Variants in PLA2G4C observed in about 807,000 individuals in gnomAD.
The protein encoded by PLA2G4C is phospholipase A2 group IVC, also known as cytosolic phospholipase A2 gamma.
A neutral mutation model predicts 73.8 loss-of-function variants in PLA2G4C; 64 were observed. That is an observed-to-expected ratio of 0.87 (90% CI 0.71 to 1.07). The LOEUF (loss-of-function observed/expected upper bound fraction) is 1.07. PLA2G4C is among the 50% of genes least tolerant of loss of function. The pLI, the probability that PLA2G4C is intolerant of heterozygous loss-of-function variation, is 0.00. For synonymous variants in PLA2G4C, 254 were observed against 252.1 expected (o/e 1.01, Z -0.07); for missense variants, 622 against 665.4 (o/e 0.93, Z 0.72).
chr19:48,067,669 AC>A (rs1273232981), intron 13 of PLA2G4C, 121 bp downstream of exon 13: 16 of 734,232 alleles, frequency 2.2e-5, no homozygotes, highest in African/African-American at 5.2e-5. Context: ...CTTTGACACC[AC>A]CCCCCTCCAA....
intron 7 of PLA2G4C, among the ~76,000 whole-genome samples, chr19:48,090,818 G>T (rs984282818): frequency 1.3e-5 from 2 of 152,088 alleles, no homozygotes; most frequent in South Asian, 2.1e-4. Flanking sequence ...CTGCTGGGGG[G>T]ACTTCTGCAA....
rs112541699 is a variant in PLA2G4C, at chr19:48,051,514, T to C, written c.1580+1483A>G. ...CTTTTGCACCAACCTAATACAGTCA[T>C]GGTGGAAGCAGGGCACCTTCTTCAC... On this transcript the variant is annotated intron_variant, in intron 16 of 16. Transcript: ENST00000599921. Among the ~76,000 whole-genome samples the C allele has an allele frequency of 6.2e-4, 94 of 152,248 alleles. 1 individual carries two copies. Among genetic ancestry groups the C allele is most frequent in the African/African-American group, 2.0e-3 (83 of 41,556 alleles).
intron 1 of PLA2G4C, among the ~76,000 whole-genome samples, chr19:48,109,367 G>C (rs1391203109): frequency 6.6e-6 from 1 of 152,050 alleles, no homozygotes; most frequent in Non-Finnish European, 1.5e-5. Flanking sequence ...AGCCTCCTGG[G>C]CTCAAGCGAG....
At chr19:48,064,050 A>G (rs1238782752) in intron 13 of PLA2G4C, 1 of 152,170 alleles carries the variant, frequency 6.6e-6, no homozygotes, top group Non-Finnish European at 1.5e-5. Flanking sequence ...TCCTTTTGTT[A>G]TATATAGGAA....
chr19:48,110,694 G>A lies in PLA2G4C; in HGVS notation c.-240C>T. ...CCTTTTCCCCCTGTGGGAGGAGGTC[G>A]CGGGCTGGAGGTGTTTCCTCCTGGT... is the stretch of plus-strand genomic sequence containing the variant. On this transcript the variant is annotated 5_prime_UTR_variant, in exon 1 of 17. Transcript: ENST00000599921. The A allele has an allele frequency of 1.9e-6, 1 of 526,228 alleles. No homozygotes were observed. The highest frequency in any genetic ancestry group is 3.5e-5 in the East Asian group (1 of 28,956). 32.6% of individuals were successfully genotyped at this position (526,228 alleles called of 1,614,324 possible). A position where few individuals can be genotyped will look rare whatever the true frequency, so the allele number is the denominator to read the frequency against.
Position 48,105,863 on chromosome 19 carries a change from C to CA in PLA2G4C, c.9-420_9-419insT, listed in dbSNP as rs1491527624. On this transcript the variant is annotated intron_variant, in intron 2 of 16. Transcript: ENST00000599921. ...CCTTCCTTCCATCCTTCCTTCCTTCCTCCTTCCTTCCTTCCCTCCTTCTTT... is the reference window on the plus strand; with the variant it reads ...CCTTCCTTCCATCCTTCCTTCCTTCCATCCTTCCTTCCTTCCCTCCTTCTTT... 7.8e-3 allele frequency among the ~76,000 whole-genome samples: 468 copies of CA among 59,674 alleles called. 70 individuals carry two copies. The highest frequency in any genetic ancestry group is 0.027 in the African/African-American group (344 of 12,564). The allele number at this position is 59,674 out of a possible 152,430, so 39.1% of individuals were successfully genotyped here.
chr19:48,075,197 T>C (rs977745236), intron 11 of PLA2G4C, among the ~76,000 whole-genome samples: 5 of 150,218 alleles, frequency 3.3e-5, no homozygotes, highest in South Asian at 2.1e-4. Context: ...TTTATTTATT[T>C]ATTTGAGACA....
At chr19:48,079,450 G>C (rs975458771) in intron 10 of PLA2G4C, among the ~76,000 whole-genome samples, 1 of 152,154 alleles carries the variant, frequency 6.6e-6, no homozygotes, top group Non-Finnish European at 1.5e-5. Flanking sequence ...AAATGGTGCT[G>C]GGATAACTGG....
At position 48,048,278 on chromosome 19, in the gene PLA2G4C, G is replaced by T; in HGVS notation, c.*65C>A. On this transcript the variant is annotated 3_prime_UTR_variant, in exon 17 of 17. Transcript: ENST00000599921. ...GCTGAAGGGAGTGAAGAACAGGAAG[G>T]CCAGGTGGACATCAGGGCCCTAGTA... 8.2e-7 allele frequency: 1 copy of T among 1,223,748 alleles called. No individual in the cohort carries two copies. The allele number at this position is 1,223,748 out of a possible 1,614,324, so 75.8% of individuals were successfully genotyped here. A position where few individuals can be genotyped will look rare whatever the true frequency, so the allele number is the denominator to read the frequency against.
chr19:48,057,068 C>T (rs923448767), intron 14 of PLA2G4C, among the ~76,000 whole-genome samples: 1 of 151,946 alleles, frequency 6.6e-6, no homozygotes, highest in Admixed American at 6.6e-5. Context: ...ATAATCGGTA[C>T]AACAAATCCC....
chr19:48,077,127 C>T (rs757311633), intron 11 of PLA2G4C, among the ~76,000 whole-genome samples: 3 of 152,148 alleles, frequency 2.0e-5, no homozygotes, highest in Non-Finnish European at 2.9e-5. Context: ...CCATTTTCTG[C>T]CTCTGACACT....
rs756564459 is a variant in PLA2G4C, at chr19:48,099,864, G to C, written c.258-4C>G. The C allele has an allele frequency of 4.4e-6, 7 of 1,605,858 alleles. No individual in the cohort carries two copies. The highest frequency in any genetic ancestry group is 1.3e-5 in the African/African-American group (1 of 74,724). On this transcript the variant is annotated splice_region_variant and splice_polypyrimidine_tract_variant and intron_variant, in intron 4 of 16. Coordinates refer to ENST00000599921, the MANE Select transcript of PLA2G4C (RefSeq NM_003706.3). ...GGTGTAGAGAGAAGATATTGCCCTG[G>C]AGGACAGAGGAAGAGAGTGAGTTGG... is the stretch of plus-strand genomic sequence containing the variant.
chr19:48,074,604 T>A, intron 12 of PLA2G4C, 163 bp downstream of exon 12: 1 of 642,432 alleles, frequency 1.6e-6, no homozygotes, highest in South Asian at 1.8e-5. Context: ...GGGGATTACA[T>A]TCCAACATGA....
intron 6 of PLA2G4C, 89 bp downstream of exon 6, chr19:48,098,050 C>T (rs2031691131): frequency 6.9e-7 from 1 of 1,458,178 alleles, no homozygotes; most frequent in Non-Finnish European, 9.4e-7. Context: ...CCTGGGCTCC[C>T]CAAGGGGAGG....
intron 4 of PLA2G4C, chr19:48,104,350 T>C (rs1320501761): frequency 6.9e-6 from 3 of 437,756 alleles, no homozygotes; most frequent in African/African-American, 4.1e-5. Flanking sequence ...GGCTAGGTAA[T>C]TGCAACTCGT....
Position 48,061,992 on chromosome 19 carries a change from G to A in PLA2G4C, c.1257+6C>T, listed in dbSNP as rs778481388. 1.5e-5 allele frequency: 24 copies of A among 1,613,500 alleles called. No homozygotes were observed. Among genetic ancestry groups the A allele is most frequent in the Admixed American group, 1.2e-4 (7 of 59,978 alleles). ...CAGGACCGGCCCCAAAGCCCTTCTC[G>A]ATTACCTCGAAAGGATCTCCGGCAC... On this transcript the variant is annotated splice_donor_region_variant and intron_variant, in intron 14 of 16. Transcript: ENST00000599921.
chr19:48,097,613 A>G (rs549335052), intron 6 of PLA2G4C, among the ~76,000 whole-genome samples: 1 of 149,764 alleles, frequency 6.7e-6, no homozygotes, highest in Non-Finnish European at 1.5e-5. Flanking sequence ...TTTTGGGGGG[A>G]CAGGGTCTCA....
At chr19:48,055,280 C>T (rs1170981584) in intron 14 of PLA2G4C, among the ~76,000 whole-genome samples, 3 of 151,460 alleles carry the variant, frequency 2.0e-5, no homozygotes, top group Admixed American at 2.0e-4. Flanking sequence ...TAGAGAGTAA[C>T]CTTTGGGGCT....
intron 4 of PLA2G4C, among the ~76,000 whole-genome samples, chr19:48,101,117 TATATATA>T (rs1397826019): frequency 5.5e-5 from 4 of 72,096 alleles, no homozygotes; most frequent in African/African-American, 3.6e-4. Context: ...TATATATATA[TATATATA>T]TATTTTTTTT....
Sources: gnomAD v4.1 joint callset for allele counts (sites outside exome capture counted in the v4.1 genomes callset) on GRCh38, gnomAD v4.1.1 for gene constraint, MANE v1.5 for transcripts, NCBI Gene and HGNC (gene_info 2026-07-23, HGNC 2026-07-21) for gene names.